The following CDS2 variants were observed in gnomAD, a reference collection of about 807,000 sequenced individuals.
The protein encoded by CDS2 is phosphatidate cytidylyltransferase 2.
CDS2 carries 47 observed loss-of-function variants against 59.0 expected under a neutral mutation model. The ratio of observed to expected loss-of-function variants is 0.80; its 90% CI spans 0.63 to 1.02. CDS2 has a LOEUF of 1.02. Ranked by LOEUF, CDS2 falls within the 50% of genes least tolerant of loss-of-function variation. The pLI is 0.00. For missense variants in CDS2, 356 were observed against 558.9 expected, an observed-to-expected ratio of 0.64 and a Z score of 3.66; for synonymous variants, 207 against 206.4, an observed-to-expected ratio of 1.00 and a Z score of -0.02.
intron 1 of CDS2, among the ~76,000 whole-genome samples, chr20:5,137,754 C>A (rs1291886599): frequency 5.3e-5 from 8 of 151,636 alleles, no homozygotes; most frequent in Non-Finnish European, 8.8e-5. Flanking sequence ...TTTGAGGCTG[C>A]AGTGTAGCCC....
intron 1 of CDS2, among the ~76,000 whole-genome samples, chr20:5,171,900 G>A (rs982843420): frequency 2.0e-5 from 3 of 152,162 alleles, no homozygotes; most frequent in Non-Finnish European, 2.9e-5. Flanking sequence ...TGATGAGGCC[G>A]TCTTTATTGG....
intron 1 of CDS2, among the ~76,000 whole-genome samples, chr20:5,129,641 A>G (rs993978897): frequency 6.6e-6 from 1 of 151,876 alleles, no homozygotes; most frequent in Non-Finnish European, 1.5e-5. Context: ...ACGGCTTCTC[A>G]ATGTTGGTCA....
chr20:5,188,165 A>T (rs574105192), intron 10 of CDS2, among the ~76,000 whole-genome samples: 113 of 152,286 alleles, frequency 7.4e-4, no homozygotes, highest in African/African-American at 2.6e-3. Context: ...TAACTCAGTG[A>T]ACCATTATTT....
In CDS2 at chr20:5,179,415, C is replaced by A. The variant is rs575064343; in HGVS notation, c.529+459C>A. Among the ~76,000 whole-genome samples, 15 of 152,368 alleles carry A rather than the reference C, an allele frequency of 9.8e-5. No individual in the cohort carries two copies. The East Asian group carries it at 2.7e-3, about 27-fold the overall frequency. On this transcript the variant is annotated intron_variant, in intron 5 of 12. Coordinates refer to ENST00000460006, the MANE Select transcript of CDS2 (RefSeq NM_003818.4). ...GGGATTACAGGTGTGAGCCACCACG[C>A]CCGGCCTTGTAGGAGCTCTTTTAAG...
In CDS2 at chr20:5,197,593, C is replaced by G. The variant is rs979837741; in HGVS notation, c.*7359C>G. On this transcript the variant is annotated 3_prime_UTR_variant, in exon 13 of 13. Transcript: ENST00000460006. ...TGTTGATATTCACTTTACCCGCACT[C>G]AGACACAGGCGACCTTGAAGCAGTT... 5.3e-5 allele frequency: 8 copies of G among 151,830 alleles called. No individual in the cohort carries two copies. The highest frequency in any genetic ancestry group is 1.9e-4 in the African/African-American group (8 of 41,304). 9.4% of individuals were successfully genotyped at this position (151,830 alleles called of 1,614,324 possible). A position where few individuals can be genotyped will look rare whatever the true frequency, so the allele number is the denominator to read the frequency against.
chr20:5,143,651 CAG>C (rs2090714649), intron 1 of CDS2, among the ~76,000 whole-genome samples: 1 of 117,800 alleles, frequency 8.5e-6, no homozygotes, highest in African/African-American at 3.4e-5. Context: ...TTTTTTGAGA[CAG>C]AGTCTTGCTC....
chr20:5,182,596 A>T, intron 6 of CDS2, 151 bp downstream of exon 6: 1 of 662,206 alleles, frequency 1.5e-6, no homozygotes, highest in Non-Finnish European at 2.5e-6. Flanking sequence ...AAGAATGCCC[A>T]TTTAGGTTTA....
Position 5,186,685 on chromosome 20 carries a change from A to G in CDS2, c.829-2A>G. On this transcript the variant is annotated splice_acceptor_variant, in intron 9 of 12. Transcript: ENST00000460006. LOFTEE classifies it high-confidence loss of function. ...GCCGGTCTCTCTGTTATTCCTCCTC[A>G]GCTGTCCTATGTGATGTCCGGGTAC... 6.8e-6 allele frequency: 11 copies of G among 1,613,844 alleles called. No individual in the cohort carries two copies. The highest frequency in any genetic ancestry group is 9.3e-6 in the Non-Finnish European group (11 of 1,179,912).
At chr20:5,138,634 C>T (rs1322543093) in intron 1 of CDS2, among the ~76,000 whole-genome samples, 1 of 151,810 alleles carries the variant, frequency 6.6e-6, no homozygotes, top group Non-Finnish European at 1.5e-5. Context: ...TACAGGCATG[C>T]ACCACCATGC....
intron 1 of CDS2, among the ~76,000 whole-genome samples, chr20:5,159,297 G>A (rs952997294): frequency 6.7e-6 from 1 of 149,574 alleles, no homozygotes; most frequent in African/African-American, 2.5e-5. Context: ...ATTTACATTA[G>A]GTATTTCTCC....
chr20:5,189,230 C>T (rs917465259), intron 11 of CDS2, 44 bp downstream of exon 11: 19 of 1,612,054 alleles, frequency 1.2e-5, no homozygotes, highest in African/African-American at 1.1e-4. Context: ...CTCCCTCACC[C>T]ATCTTCTGCC....
At chr20:5,166,700 A>C (rs748105365) in intron 1 of CDS2, among the ~76,000 whole-genome samples, 4 of 152,180 alleles carry the variant, frequency 2.6e-5, no homozygotes, top group African/African-American at 4.8e-5. Context: ...AGTGTTTTTC[A>C]ATAGTAGCAT....
At chr20:5,128,605 A>G (rs2090576552) in intron 1 of CDS2, 1 of 152,226 alleles carries the variant, frequency 6.6e-6, no homozygotes, top group Non-Finnish European at 1.5e-5. Flanking sequence ...AACAAAAACA[A>G]AAACATATTT....
Position 5,133,984 on chromosome 20 carries a change from T to G in CDS2, c.57+6835T>G, listed in dbSNP as rs552385487. Among the ~76,000 whole-genome samples the G allele has an allele frequency of 3.3e-5, 5 of 152,332 alleles. No homozygotes were observed. The East Asian group carries it at 9.6e-4, about 29-fold the overall frequency. On this transcript the variant is annotated intron_variant, in intron 1 of 12. Transcript: ENST00000460006. ...GCTACAAAATCAAAAAAATACTATA[T>G]AAATCTTTCAAAATGTTAAATGTTA...
intron 3 of CDS2, 190 bp from the exon 4 acceptor site, chr20:5,176,458 C>A: frequency 1.8e-6 from 1 of 568,422 alleles, no homozygotes; most frequent in South Asian, 2.3e-5. Context: ...TGGATCTACT[C>A]CCTGTGACAT....
rs1346044334 is a variant in CDS2, at chr20:5,186,852, C to T, written c.981+13C>T. 6 of 1,613,858 alleles carry T rather than the reference C, an allele frequency of 3.7e-6. No individual in the cohort carries two copies. In the East Asian group the frequency reaches 1.1e-4, roughly 30 times the overall value. ...AGTCATTGGCTGGGTATGTGCCACT[C>T]ACAGGGGGTGAGCGGCCTCCATGGA... On this transcript the variant is annotated intron_variant, in intron 10 of 12. Coordinates refer to ENST00000460006, the MANE Select transcript of CDS2 (RefSeq NM_003818.4).
At chr20:5,175,424 C>T in intron 3 of CDS2, 145 bp downstream of exon 3, 2 of 637,778 alleles carry the variant, frequency 3.1e-6, no homozygotes, top group South Asian at 1.8e-5. Context: ...ACATCTGTGA[C>T]TTCCCACTTC....
chr20:5,145,254 G>A (rs959910694), intron 1 of CDS2, among the ~76,000 whole-genome samples: 61 of 34,332 alleles, frequency 1.8e-3, no homozygotes, highest in African/African-American at 7.4e-3. Flanking sequence ...CCCCGCCCCC[G>A]CCACCAAATC....
chr20:5,130,443 A>G (rs939483905), intron 1 of CDS2, among the ~76,000 whole-genome samples: 1 of 152,152 alleles, frequency 6.6e-6, no homozygotes, highest in African/African-American at 2.4e-5. Flanking sequence ...ATTTCATAGT[A>G]GAAGAATCCA....
Sources: allele counts gnomAD v4.1 joint callset (sites outside exome capture counted in the v4.1 genomes callset), GRCh38; gene constraint gnomAD v4.1.1; transcripts MANE v1.5; gene names NCBI Gene and HGNC (gene_info 2026-07-23, HGNC 2026-07-21).